FLYWCH1: variants seen among roughly 807,000 people sequenced by gnomAD.
The protein encoded by FLYWCH1 is FLYWCH-type zinc finger 1, also known as FLYWCH-type zinc finger-containing protein 1.
In FLYWCH1, 75 loss-of-function variants were observed where a neutral mutation model predicts 66.4. The ratio of observed to expected loss-of-function variants is 1.13; its 90% confidence interval spans 0.94 to 1.37. The LOEUF is 1.37. FLYWCH1 is among the 40% of genes most tolerant of loss of function. FLYWCH1 has a pLI of 0.00. For synonymous variants in FLYWCH1, 595 were observed against 429.9 expected (o/e 1.38, Z -4.75); for missense variants, 1,334 against 1,001.8 (o/e 1.33, Z -4.48).
rs367577065 is a variant in FLYWCH1, at chr16:2,929,821, A to T, written c.136A>T (p.Thr46Ser). 1.2e-6 allele frequency: 2 copies of T among 1,613,820 alleles called. No individual in the cohort carries two copies. The highest frequency in any genetic ancestry group is 1.7e-6 in the Non-Finnish European group (2 of 1,179,890). ...GGAGTTCTCCAAACTGGTGCTGCTC[A>T]CAGCCTCCGACCAAGATGAGGATGG... ...PREFSKLVLL[T>S]ASDQDEDGVG... Residue 46 changes from threonine to serine, a missense_variant, in exon 3 of 10, where the codon ACA (threonine) becomes TCA (serine). Transcript: ENST00000253928.
At chr16:2,928,643 C>A (rs1389101238) in intron 2 of FLYWCH1, among the ~76,000 whole-genome samples, 1 of 152,206 alleles carries the variant, frequency 6.6e-6, no homozygotes, top group Non-Finnish European at 1.5e-5. Flanking sequence ...TTTCTTCGTA[C>A]AGATCAAAAT....
chr16:2,938,837 C>T (rs1298863945), intron 8 of FLYWCH1, among the ~76,000 whole-genome samples: 1 of 151,738 alleles, frequency 6.6e-6, no homozygotes, highest in African/African-American at 2.4e-5. Flanking sequence ...TGGTCTTGAT[C>T]TTCTGACCTC....
intron 2 of FLYWCH1, among the ~76,000 whole-genome samples, chr16:2,916,418 G>A (rs1031391079): frequency 6.6e-6 from 1 of 151,994 alleles, no homozygotes. Flanking sequence ...GGCGGATCAC[G>A]AAGTCAGGAG....
intron 6 of FLYWCH1, chr16:2,935,968 G>A (rs1471029209): frequency 6.2e-6 from 1 of 160,814 alleles, no homozygotes; most frequent in Non-Finnish European, 1.4e-5. Context: ...GGAGTGTAGT[G>A]GCGTGGTCTT....
At position 2,937,379 on chromosome 16, in the gene FLYWCH1, G is replaced by A. The variant is rs551336913; in HGVS notation, c.1772G>A (p.Ser591Asn). 2.1e-5 allele frequency: 32 copies of A among 1,553,202 alleles called. No individual in the cohort carries two copies. In the African/African-American group the frequency reaches 3.7e-4, roughly 18 times the overall value. Residue 591 changes from serine (S) to asparagine (N), a missense_variant, in exon 7 of 10, where the codon AGC (serine) becomes AAC (asparagine). Transcript: ENST00000253928. The part of the protein sequence containing the change: ...EHFPNLAQWD[S>N]PDPLRPLEFL... ...TTCCCCAACCTGGCGCAGTGGGACAGCCCAGGTGCGTGTGGAGGGTGCTGG... is the reference window on the plus strand; with the variant it reads ...TTCCCCAACCTGGCGCAGTGGGACAACCCAGGTGCGTGTGGAGGGTGCTGG...
At chr16:2,940,743 T>A (rs115347709) in intron 9 of FLYWCH1, among the ~76,000 whole-genome samples, 2 of 152,254 alleles carry the variant, frequency 1.3e-5, no homozygotes, top group South Asian at 2.1e-4. Flanking sequence ...AGCCTTGTTA[T>A]TGGTTTGTAA....
chr16:2,918,027 T>C (rs1433369768), intron 2 of FLYWCH1, among the ~76,000 whole-genome samples: 1 of 149,550 alleles, frequency 6.7e-6, no homozygotes, highest in African/African-American at 2.5e-5. Context: ...TTGGAAGAGA[T>C]GGGGTTTTGC....
intron 2 of FLYWCH1, among the ~76,000 whole-genome samples, chr16:2,917,994 T>A (rs1182958499): frequency 6.7e-6 from 1 of 148,810 alleles, no homozygotes; most frequent in Non-Finnish European, 1.5e-5. Context: ...CCCGCCACCA[T>A]GCCCAGGTAA....
At position 2,929,982 on chromosome 16, in the gene FLYWCH1, T is replaced by A; in HGVS notation, c.297T>A (p.Pro99=). ...TGGTCCAGCCAGCCCTAGAGATGCCTGAACAGAAGTGCAGCAAGCTGGATG... is the reference window on the plus strand; with the variant it reads ...TGGTCCAGCCAGCCCTAGAGATGCCAGAACAGAAGTGCAGCAAGCTGGATG... ...GGVVQPALEM[P]EQKCSKLDAA... is the part of the protein sequence containing the mutation. Residue 99 remains proline, a synonymous_variant, in exon 3 of 10, where the codon CCT becomes CCA. Transcript: ENST00000253928. The A allele has an allele frequency of 6.2e-7, 1 of 1,607,932 alleles. No homozygotes were observed. Among genetic ancestry groups the A allele is most frequent in the Non-Finnish European group, 8.5e-7 (1 of 1,175,506 alleles).
chr16:2,947,920 G>C (rs1018717621), intron 9 of FLYWCH1, among the ~76,000 whole-genome samples: 17 of 151,696 alleles, frequency 1.1e-4, no homozygotes, highest in Non-Finnish European at 5.9e-5. Context: ...GTGCACCTGT[G>C]GTCCCAGCTA....
At position 2,930,958 on chromosome 16, in the gene FLYWCH1, G is replaced by C. The variant is rs915870174; in HGVS notation, c.796+78G>C. 2.7e-6 allele frequency: 3 copies of C among 1,118,284 alleles called. No individual in the cohort carries two copies. The East Asian group carries it at 7.8e-5, about 29-fold the overall frequency. The allele number at this position is 1,118,284 out of a possible 1,614,324, so 69.3% of individuals were successfully genotyped here. A position where few individuals can be genotyped will look rare whatever the true frequency, so the allele number is the denominator to read the frequency against. On this transcript the variant is annotated intron_variant, in intron 4 of 9. Transcript: ENST00000253928. ...GCCCTTCCTCAGCCCAAATAGAAAT[G>C]TGGGGTCCCACAGGGTCTTTTAAAA...
chr16:2,924,096 C>T (rs565264749), intron 2 of FLYWCH1, among the ~76,000 whole-genome samples: 19 of 151,892 alleles, frequency 1.3e-4, no homozygotes, highest in Non-Finnish European at 2.2e-4. Flanking sequence ...TTTGGGAGGC[C>T]GAGGCAGGCG....
In FLYWCH1 at chr16:2,948,596, G is replaced by A; in HGVS notation, c.2112-92G>A. 5 of 1,364,222 alleles carry A rather than the reference G, an allele frequency of 3.7e-6. No individual in the cohort carries two copies. In the South Asian group the frequency reaches 5.9e-5, roughly 16 times the overall value. The allele number at this position is 1,364,222 out of a possible 1,614,324, so 84.5% of individuals were successfully genotyped here. A position where few individuals can be genotyped will look rare whatever the true frequency, so the allele number is the denominator to read the frequency against. On this transcript the variant is annotated intron_variant, in intron 9 of 9. Transcript: ENST00000253928. ...ATGTTCTAGACTGTGGCATCCCCAG[G>A]AAAAAGGATTCCAGGAATCCTGAAC...
chr16:2,936,344 C>G, intron 6 of FLYWCH1: 1 of 455,348 alleles, frequency 2.2e-6, no homozygotes, highest in Non-Finnish European at 4.4e-6. Flanking sequence ...TCCTGTGCTG[C>G]TGTGCCCCTC....
intron 2 of FLYWCH1, among the ~76,000 whole-genome samples, chr16:2,919,217 C>G (rs1175107731): frequency 6.6e-6 from 1 of 151,948 alleles, no homozygotes; most frequent in Non-Finnish European, 1.5e-5. Flanking sequence ...CCACACCCAG[C>G]TGCTCTCTGA....
intron 9 of FLYWCH1, among the ~76,000 whole-genome samples, chr16:2,945,771 GC>G (rs1212857742): frequency 6.6e-6 from 1 of 152,134 alleles, no homozygotes; most frequent in Non-Finnish European, 1.5e-5. Flanking sequence ...GCCAAGGTGG[GC>G]AGATCATGAG....
chr16:2,927,173 A>G (rs769602673), intron 2 of FLYWCH1, among the ~76,000 whole-genome samples: 2 of 152,168 alleles, frequency 1.3e-5, no homozygotes, highest in Non-Finnish European at 2.9e-5. Context: ...CGTCAGCACC[A>G]CAGGGCGCGG....
At chr16:2,938,607 G>GTTTTTTTTT (rs35169451) in intron 8 of FLYWCH1, among the ~76,000 whole-genome samples, 151 bp downstream of exon 8, 5 of 129,170 alleles carry the variant, frequency 3.9e-5, no homozygotes, top group Non-Finnish European at 6.6e-5. Context: ...ACCAGTCTTT[G>GTTTTTTTTT]TTTTTTTTTT....
chr16:2,915,881 A>G (rs1052132762), intron 2 of FLYWCH1, among the ~76,000 whole-genome samples: 1 of 152,120 alleles, frequency 6.6e-6, no homozygotes, highest in African/African-American at 2.4e-5. Context: ...GTGCAAATGG[A>G]GGCAAAACTG....
Sources: allele counts gnomAD v4.1 joint callset (sites outside exome capture counted in the v4.1 genomes callset), GRCh38; gene constraint gnomAD v4.1.1; transcripts MANE v1.5; gene names NCBI Gene and HGNC (gene_info 2026-07-23, HGNC 2026-07-21).